ASNS: variants seen among roughly 807,000 people sequenced by gnomAD.
The protein encoded by ASNS is asparagine synthetase [glutamine-hydrolyzing].
In ASNS, 37 loss-of-function variants were observed where a neutral mutation model predicts 62.6. That is an observed-to-expected ratio of 0.59 (90% CI 0.45 to 0.78). ASNS has a LOEUF of 0.78. Ranked by LOEUF, ASNS falls within the 30% of genes least tolerant of loss-of-function variation. The pLI is 0.00. For missense variants in ASNS, 520 were observed against 682.4 expected (o/e 0.76, Z 2.65); for synonymous variants, 207 against 237.9 (o/e 0.87, Z 1.19).
At chr7:97,883,968 A>C in the ASNS span, among the ~76,000 whole-genome samples, 1 of 143,502 alleles carries the variant, frequency 7.0e-6, no homozygotes, top group Non-Finnish European at 1.5e-5. Flanking sequence ...GGCCTGGGCG[A>C]CAGAGTGAGA....
chr7:97,917,369 C>A, the ASNS span, among the ~76,000 whole-genome samples: 1 of 152,218 alleles, frequency 6.6e-6, no homozygotes, highest in African/African-American at 2.4e-5. Flanking sequence ...TGCACAAGCC[C>A]ATATGCCTTA....
chr7:97,877,051 A>C (rs1792454914), upstream of ASNS, among the ~76,000 whole-genome samples: 3 of 152,042 alleles, frequency 2.0e-5, no homozygotes, highest in Admixed American at 2.0e-4. Flanking sequence ...GTAAGAGGGA[A>C]TGAAAGCAAC....
chr7:97,919,623 TCCTTCCTA>T, the ASNS span, among the ~76,000 whole-genome samples: 1 of 152,172 alleles, frequency 6.6e-6, no homozygotes, highest in Admixed American at 6.5e-5. Context: ...CACAGAGTCT[TCCTTCCTA>T]GAGACTAGCA....
chr7:97,870,602 C>T (rs973890063), intron 1 of ASNS, among the ~76,000 whole-genome samples: 42 of 152,188 alleles, frequency 2.8e-4, no homozygotes, highest in African/African-American at 9.7e-4. Context: ...CTCTTCCATG[C>T]ACTTGACCAA....
chr7:97,868,877 G>A (rs79435686), intron 3 of ASNS, 31 bp downstream of exon 3: 96 of 1,607,652 alleles, frequency 6.0e-5, no homozygotes, highest in Non-Finnish European at 7.2e-5. Context: ...AAGTTTAATC[G>A]CATCCAGACA....
the ASNS span, among the ~76,000 whole-genome samples, chr7:97,889,497 C>T: frequency 6.6e-6 from 1 of 151,228 alleles, no homozygotes; most frequent in Non-Finnish European, 1.5e-5. Context: ...AGCCTGGTGA[C>T]AGAGCTAGAC....
At chr7:97,852,919 A>T (rs917842983) in intron 12 of ASNS, 141 bp downstream of exon 12, 2 of 725,372 alleles carry the variant, frequency 2.8e-6, no homozygotes, top group African/African-American at 3.6e-5. Flanking sequence ...GAGATATCTG[A>T]TGTATGTATC....
upstream of ASNS, among the ~76,000 whole-genome samples, chr7:97,875,584 G>A (rs552265940): frequency 3.9e-5 from 6 of 152,342 alleles, no homozygotes; most frequent in African/African-American, 1.2e-4. Context: ...CAGGGGAAAC[G>A]GAATGTGGTG....
At chr7:97,862,846 A>T (rs1329319777) in intron 4 of ASNS, among the ~76,000 whole-genome samples, 1 of 152,232 alleles carries the variant, frequency 6.6e-6, no homozygotes, top group Non-Finnish European at 1.5e-5. Context: ...AAGGATCTGA[A>T]CAAATATTTC....
At chr7:97,927,655 T>C in the ASNS span, among the ~76,000 whole-genome samples, 1 of 152,286 alleles carries the variant, frequency 6.6e-6, no homozygotes, top group Non-Finnish European at 1.5e-5. Flanking sequence ...TTTCCTGATG[T>C]TACACTGCCA....
the ASNS span, among the ~76,000 whole-genome samples, chr7:97,905,374 C>A: frequency 2.3e-4 from 35 of 152,286 alleles, no homozygotes; most frequent in African/African-American, 6.0e-4. Context: ...CGCAACTGCC[C>A]AAGGGCTGCT....
At chr7:97,916,034 A>C in the ASNS span, among the ~76,000 whole-genome samples, 8 of 152,200 alleles carry the variant, frequency 5.3e-5, no homozygotes, top group Admixed American at 1.3e-4. Context: ...CCTCAGGCTC[A>C]GGATACCCAG....
chr7:97,865,606 C>T (rs1188473577), intron 3 of ASNS, among the ~76,000 whole-genome samples: 2 of 152,198 alleles, frequency 1.3e-5, no homozygotes, highest in African/African-American at 2.4e-5. Flanking sequence ...TACCTTTATA[C>T]TACAGTCCAG....
the ASNS span, among the ~76,000 whole-genome samples, chr7:97,911,870 G>A: frequency 6.6e-6 from 1 of 152,094 alleles, no homozygotes; most frequent in African/African-American, 2.4e-5. Flanking sequence ...GATGAGTCAT[G>A]CCTTCAGCAC....
the ASNS span, among the ~76,000 whole-genome samples, chr7:97,878,334 C>A: frequency 6.6e-6 from 1 of 152,146 alleles, no homozygotes; most frequent in African/African-American, 2.4e-5. Flanking sequence ...AGGGGGTCCA[C>A]ATGAGAGGGT....
the ASNS span, among the ~76,000 whole-genome samples, chr7:97,899,486 G>C: frequency 2.0e-5 from 3 of 152,062 alleles, no homozygotes; most frequent in Non-Finnish European, 4.4e-5. Flanking sequence ...GCTTTTCTTT[G>C]CATTTTTTAC....
the ASNS span, among the ~76,000 whole-genome samples, chr7:97,920,027 A>C: frequency 7.6e-6 from 1 of 132,358 alleles, no homozygotes; most frequent in Non-Finnish European, 1.6e-5. Context: ...TTTTTTTTTG[A>C]GATGGAATCT....
At chr7:97,891,413 TCA>T in the ASNS span, among the ~76,000 whole-genome samples, 1 of 152,180 alleles carries the variant, frequency 6.6e-6, no homozygotes, top group Non-Finnish European at 1.5e-5. Flanking sequence ...TCTCATATCC[TCA>T]CATTTCAAAA....
At chr7:97,900,601 A>G in the ASNS span, among the ~76,000 whole-genome samples, 1 of 152,214 alleles carries the variant, frequency 6.6e-6, no homozygotes, top group South Asian at 2.1e-4. Flanking sequence ...GTACTTGGCA[A>G]GAACAAAGAG....
Sources: allele counts gnomAD v4.1 joint callset (sites outside exome capture counted in the v4.1 genomes callset), GRCh38; gene constraint gnomAD v4.1.1; transcripts MANE v1.5; gene names NCBI Gene and HGNC (gene_info 2026-07-23, HGNC 2026-07-21).